TNRC6B: variants seen among roughly 807,000 people sequenced by gnomAD.
The protein encoded by TNRC6B is trinucleotide repeat-containing gene 6B protein.
In TNRC6B, 52 loss-of-function variants were observed where a neutral mutation model predicts 203.6. The ratio of observed to expected loss-of-function variants is 0.26; its 90% CI spans 0.20 to 0.32. The LOEUF (loss-of-function observed/expected upper bound fraction) is 0.32. Among genes scored for constraint, TNRC6B ranks in the 10% least tolerant of loss-of-function variants. The pLI is 1.00. For missense variants in TNRC6B, 1,923 were observed against 2,286.2 expected (o/e 0.84, Z 3.24); for synonymous variants, 838 against 845.7 (o/e 0.99, Z 0.16).
chr22:40,233,437 C>T (rs2068148343), intron 1 of TNRC6B, among the ~76,000 whole-genome samples: 1 of 151,982 alleles, frequency 6.6e-6, no homozygotes, highest in African/African-American at 2.4e-5. Flanking sequence ...TCCTGGCCAA[C>T]ATGGCAAAAC....
At chr22:40,233,372 C>G (rs539817822) in intron 1 of TNRC6B, among the ~76,000 whole-genome samples, 25 of 150,878 alleles carry the variant, frequency 1.7e-4, no homozygotes, top group Non-Finnish European at 2.7e-4. Flanking sequence ...GTCTGTAATC[C>G]CAGCACTTTG....
intron 1 of TNRC6B, among the ~76,000 whole-genome samples, chr22:40,183,835 C>G (rs2069168482): frequency 6.6e-6 from 1 of 152,036 alleles, no homozygotes; most frequent in Non-Finnish European, 1.5e-5. Context: ...GCTGGGATTA[C>G]AGGCGCCTGC....
At chr22:40,241,652 G>C (rs1346461734) in intron 1 of TNRC6B, among the ~76,000 whole-genome samples, 1 of 152,188 alleles carries the variant, frequency 6.6e-6, no homozygotes, top group Non-Finnish European at 1.5e-5. Context: ...TTGTCCCATA[G>C]CTGATGATGT....
chr22:40,282,587 T>C (rs956439115), intron 11 of TNRC6B, among the ~76,000 whole-genome samples: 41 of 152,212 alleles, frequency 2.7e-4, no homozygotes, highest in African/African-American at 9.4e-4. Flanking sequence ...GATTATCAAA[T>C]GCTGTTAGTA....
chr22:40,244,993 C>T (rs1404198704), intron 1 of TNRC6B, among the ~76,000 whole-genome samples: 1 of 152,168 alleles, frequency 6.6e-6, no homozygotes, highest in African/African-American at 2.4e-5. Flanking sequence ...CATTTTTATT[C>T]TAATTCAGTG....
At chr22:40,288,934 C>G (rs2070830283) in intron 12 of TNRC6B, among the ~76,000 whole-genome samples, 1 of 150,908 alleles carries the variant, frequency 6.6e-6, no homozygotes, top group Admixed American at 6.6e-5. Context: ...GTGCCTCAGC[C>G]TCCTGAGTAG....
chr22:40,298,117 T>G (rs906640832), intron 12 of TNRC6B, among the ~76,000 whole-genome samples: 1 of 151,166 alleles, frequency 6.6e-6, no homozygotes, highest in African/African-American at 2.4e-5. Flanking sequence ...AGAGCGAGAC[T>G]CCATCTCAAA....
intron 1 of TNRC6B, among the ~76,000 whole-genome samples, chr22:40,076,947 C>T (rs2068019635): frequency 6.6e-6 from 1 of 150,896 alleles, no homozygotes; most frequent in South Asian, 2.1e-4. Flanking sequence ...ATTGCTTCAG[C>T]CCAGGAATTT....
chr22:40,056,566 A>G (rs1285218430), intron 1 of TNRC6B, among the ~76,000 whole-genome samples: 1 of 152,070 alleles, frequency 6.6e-6, no homozygotes, highest in African/African-American at 2.4e-5. Flanking sequence ...AGCCAGAGTA[A>G]GAGGATCACT....
intron 12 of TNRC6B, among the ~76,000 whole-genome samples, chr22:40,293,495 C>T (rs1248364884): frequency 6.6e-6 from 1 of 151,648 alleles, no homozygotes; most frequent in African/African-American, 2.4e-5. Flanking sequence ...GCCTGGCCTG[C>T]TATAATATTC....
Position 40,155,109 on chromosome 22 carries a change from T to G in TNRC6B, c.46-1006T>G, listed in dbSNP as rs185416339. 1.3e-3 allele frequency among the ~76,000 whole-genome samples: 196 copies of G among 151,816 alleles called. 1 individual carries two copies. The highest frequency in any genetic ancestry group is 3.8e-3 in the African/African-American group (159 of 41,420). ...TTTTCTGAAAACACCATAGCCTATT[T>G]ATCTGTTTTACTGTTGACAGATGTT... is the stretch of plus-strand genomic sequence containing the variant. On this transcript the variant is annotated intron_variant, in intron 3 of 23. Coordinates refer to the TNRC6B transcript ENST00000301923.
upstream of TNRC6B, among the ~76,000 whole-genome samples, chr22:40,174,853 G>A (rs151166399): frequency 1.7e-3 from 253 of 151,394 alleles, no homozygotes; most frequent in African/African-American, 5.8e-3. Context: ...TTATTTCTTT[G>A]TGTCCTTACC....
chr22:40,275,966 A>G (rs1374884603), intron 7 of TNRC6B, among the ~76,000 whole-genome samples: 1 of 151,586 alleles, frequency 6.6e-6, no homozygotes, highest in Admixed American at 6.6e-5. Context: ...TCTCAAAAAA[A>G]AAAACCGCCC....
intron 3 of TNRC6B, among the ~76,000 whole-genome samples, chr22:40,252,817 T>C (rs1230511631): frequency 2.6e-5 from 4 of 152,234 alleles, no homozygotes; most frequent in African/African-American, 4.8e-5. Context: ...CCATACTTTC[T>C]AAACCAACAT....
chr22:40,192,745 G>A (rs1394678049), intron 1 of TNRC6B, among the ~76,000 whole-genome samples: 1 of 152,218 alleles, frequency 6.6e-6, no homozygotes, highest in Non-Finnish European at 1.5e-5. Context: ...GCCACAAATT[G>A]GGGTAGGCGG....
At chr22:40,103,209 C>T (rs765425226) in intron 1 of TNRC6B, among the ~76,000 whole-genome samples, 19 of 151,128 alleles carry the variant, frequency 1.3e-4, no homozygotes, top group Non-Finnish European at 1.9e-4. Context: ...TTGAGTCTGC[C>T]GTGAGCTCTG....
At chr22:40,178,825 G>C (rs1310200892) in intron 1 of TNRC6B, among the ~76,000 whole-genome samples, 1 of 152,126 alleles carries the variant, frequency 6.6e-6, no homozygotes, top group East Asian at 1.9e-4. Context: ...TGTGCAGCCA[G>C]ATGCGCTTTT....
In TNRC6B at chr22:40,188,556, C is replaced by T. The variant is rs2069234487; in HGVS notation, c.5+10416C>T. ...AGGTCAGAGACCTAGCAGGTGATCG[C>T]GTGTGCTCCCCTCCAGGATCCCAGG... On this transcript the variant is annotated intron_variant, in intron 1 of 22. Transcript: ENST00000454349. 2.0e-5 allele frequency among the ~76,000 whole-genome samples: 3 copies of T among 152,294 alleles called. No individual in the cohort carries two copies. The South Asian group carries it at 6.2e-4, about 32-fold the overall frequency.
At chr22:40,205,943 G>T (rs1431294844) in intron 1 of TNRC6B, among the ~76,000 whole-genome samples, 2 of 152,120 alleles carry the variant, frequency 1.3e-5, no homozygotes, top group African/African-American at 2.4e-5. Flanking sequence ...GGTGATCCAC[G>T]CAATAGTACT....
Sources: gnomAD v4.1 joint callset for allele counts (sites outside exome capture counted in the v4.1 genomes callset) on GRCh38, gnomAD v4.1.1 for gene constraint, MANE v1.5 for transcripts, NCBI Gene and HGNC (gene_info 2026-07-23, HGNC 2026-07-21) for gene names.